Variants in COX10 observed in about 807,000 individuals in gnomAD.
COX10 encodes protoheme IX farnesyltransferase, mitochondrial.
A neutral mutation model predicts 37.3 loss-of-function variants in COX10; 27 were observed. The observed-to-expected ratio is 0.72, with a 90% CI of 0.53 to 1.00. The LOEUF (loss-of-function observed/expected upper bound fraction) is 1.00. Ranked by LOEUF, COX10 falls within the 50% of genes least tolerant of loss-of-function variation. COX10 has a pLI of 0.00. For missense variants in COX10, 475 were observed against 563.2 expected (o/e 0.84, Z 1.59); for synonymous variants, 222 against 229.1 (o/e 0.97, Z 0.28).
chr17:14,199,174 C>T (rs1243851251), intron 6 of COX10, among the ~76,000 whole-genome samples: 1 of 151,918 alleles, frequency 6.6e-6, no homozygotes, highest in Non-Finnish European at 1.5e-5. Context: ...GCACTGAGGT[C>T]TTGTCAGTTG....
chr17:14,102,039 G>A (rs899491301), intron 3 of COX10, 79 bp from the exon 4 acceptor site: 3 of 1,562,616 alleles, frequency 1.9e-6, no homozygotes, highest in Non-Finnish European at 1.8e-6. Context: ...ATGAAGGATG[G>A]CTTGTTTTTT....
chr17:14,119,601 A>T (rs1201284176), intron 4 of COX10, among the ~76,000 whole-genome samples: 1 of 152,196 alleles, frequency 6.6e-6, no homozygotes, highest in Non-Finnish European at 1.5e-5. Context: ...TGTAAAAGGG[A>T]TGGAAGTGAT....
Position 14,102,486 on chromosome 17 carries a change from G to T in COX10, c.624+244G>T, listed in dbSNP as rs559488118. ...TGCTTCAAATGACTAGGATTCCTTG[G>T]GTTAAAACATGTTTTTGAGCTGTCA... On this transcript the variant is annotated intron_variant, in intron 4 of 6. Coordinates refer to ENST00000261643, the MANE Select transcript of COX10 (RefSeq NM_001303.4). Among the ~76,000 whole-genome samples the T allele has an allele frequency of 1.1e-4, 16 of 152,100 alleles. No homozygotes were observed. In the South Asian group the frequency reaches 1.5e-3, roughly 14 times the overall value.
rs952864925 is a variant in COX10 at position 14,076,969 on chromosome 17, A to T, written c.412A>T (p.Lys138Ter). 3 of 1,613,556 alleles carry T rather than the reference A, an allele frequency of 1.9e-6. No homozygotes were observed. Among genetic ancestry groups the T allele is most frequent in the African/African-American group, 2.7e-5 (2 of 74,744 alleles). Reference protein sequence around the residue: ...EDSIDVGKETKEEKRWKEMKL... With the variant: ...EDSIDVGKET The stretch of plus-strand genomic sequence containing the variant: ...CTCAATAGATGTAGGGAAAGAGACA[A>T]AAGAGGAAAAGCGGTGGAAAGAGAT... The change falls in exon 3 of 7, where the codon AAA becomes TAA. Residue 138 changes from lysine to a stop codon, truncating the protein, a stop_gained. Coordinates refer to ENST00000261643, the MANE Select transcript of COX10 (RefSeq NM_001303.4). LOFTEE classifies it high-confidence loss of function.
At chr17:14,173,680 G>T (rs1429376723) in intron 5 of COX10, among the ~76,000 whole-genome samples, 1 of 152,216 alleles carries the variant, frequency 6.6e-6, no homozygotes, top group African/African-American at 2.4e-5. Flanking sequence ...CTGGACCTTG[G>T]TCAGTGTTGT....
At chr17:14,167,793 A>G (rs1357011268) in intron 5 of COX10, among the ~76,000 whole-genome samples, 1 of 152,208 alleles carries the variant, frequency 6.6e-6, no homozygotes, top group East Asian at 1.9e-4. Context: ...CCGTGATCCA[A>G]CCGCCTCCCA....
chr17:14,159,300 T>C (rs141560046), intron 4 of COX10, among the ~76,000 whole-genome samples: 11 of 152,322 alleles, frequency 7.2e-5, no homozygotes, highest in Middle Eastern at 3.4e-3. Flanking sequence ...CCAGGGTCAG[T>C]TGATTCTTGG....
chr17:14,129,125 C>G (rs1012080375), intron 4 of COX10, among the ~76,000 whole-genome samples: 1 of 149,918 alleles, frequency 6.7e-6, no homozygotes, highest in East Asian at 1.9e-4. Flanking sequence ...GGATTACAGG[C>G]GTGAGCCACT....
intron 5 of COX10, among the ~76,000 whole-genome samples, chr17:14,184,130 C>T (rs549919610): frequency 5.3e-5 from 8 of 152,284 alleles, no homozygotes; most frequent in South Asian, 2.1e-4. Context: ...CACGATCACA[C>T]GGCTAAACAA....
At chr17:14,179,531 A>G (rs1409870921) in intron 5 of COX10, among the ~76,000 whole-genome samples, 1 of 152,218 alleles carries the variant, frequency 6.6e-6, no homozygotes, top group African/African-American at 2.4e-5. Flanking sequence ...AACAGACAGC[A>G]TAAGGCAGCC....
chr17:14,107,283 G>A lies in COX10; in HGVS notation c.624+5041G>A, dbSNP rs548028578. Among the ~76,000 whole-genome samples, 9 of 151,940 alleles carry A rather than the reference G, an allele frequency of 5.9e-5. No individual in the cohort carries two copies. In the East Asian group the frequency reaches 1.4e-3, roughly 23 times the overall value. On this transcript the variant is annotated intron_variant, in intron 4 of 6. Coordinates refer to ENST00000261643, the MANE Select transcript of COX10 (RefSeq NM_001303.4). ...GCTATAATTTCTGTCTCAGGCAAAC[G>A]CTGGCCCACATTTCTTTTTGTTTAA...
rs141434349 is a variant in COX10 at position 14,173,185 on chromosome 17, G to A, written c.695+13238G>A. Among the ~76,000 whole-genome samples the A allele has an allele frequency of 5.8e-3, 876 of 152,298 alleles. 8 individuals are homozygous for A. The highest frequency in any genetic ancestry group is 0.019 in the African/African-American group (795 of 41,560). On this transcript the variant is annotated intron_variant, in intron 5 of 6. Transcript: ENST00000261643. ...ACAAAACAGAAAAATTCTTGCTGTC[G>A]TGGAGCTTGCATGCTAGCCATTATA...
chr17:14,202,279 C>A (rs142996832), intron 6 of COX10, among the ~76,000 whole-genome samples: 1 of 148,494 alleles, frequency 6.7e-6, no homozygotes, highest in East Asian at 2.0e-4. Context: ...GGCTGGAGTA[C>A]GGTGGTGCAG....
chr17:14,154,734 A>T (rs1303722428), intron 4 of COX10, among the ~76,000 whole-genome samples: 6 of 152,222 alleles, frequency 3.9e-5, no homozygotes, highest in African/African-American at 1.4e-4. Context: ...GTCTTTTCAG[A>T]TCCTCATAGT....
chr17:14,103,207 A>G (rs1915825636), intron 4 of COX10, among the ~76,000 whole-genome samples: 1 of 152,154 alleles, frequency 6.6e-6, no homozygotes, highest in South Asian at 2.1e-4. Context: ...AAAGCAGGAC[A>G]CCATCTCTTC....
intron 3 of COX10, among the ~76,000 whole-genome samples, chr17:14,096,060 T>TA (rs749584346): frequency 6.6e-6 from 1 of 152,174 alleles, no homozygotes; most frequent in Non-Finnish European, 1.5e-5. Context: ...GAGGACTCTG[T>TA]AGAGTCCCAG....
chr17:14,132,103 C>G (rs75288331), intron 4 of COX10, among the ~76,000 whole-genome samples: 3,878 of 151,834 alleles, frequency 0.026, 98 homozygotes, highest in East Asian at 0.11. Flanking sequence ...AATCATGAAC[C>G]AAATGCCACC....
chr17:14,187,348 G>A (rs187470213), intron 5 of COX10, among the ~76,000 whole-genome samples: 10 of 152,338 alleles, frequency 6.6e-5, no homozygotes, highest in African/African-American at 2.2e-4. Flanking sequence ...CTGAAAAAAA[G>A]TATATTGGTT....
intron 4 of COX10, among the ~76,000 whole-genome samples, chr17:14,127,648 G>C (rs1433498027): frequency 2.0e-5 from 3 of 152,052 alleles, no homozygotes; most frequent in African/African-American, 7.2e-5. Flanking sequence ...AATTATATAC[G>C]TGTGTGAATG....
Sources: allele counts gnomAD v4.1 joint callset (sites outside exome capture counted in the v4.1 genomes callset), GRCh38; gene constraint gnomAD v4.1.1; transcripts MANE v1.5; gene names NCBI Gene and HGNC (gene_info 2026-07-23, HGNC 2026-07-21).